The following SAMHD1 variants were observed in gnomAD, a reference collection of about 807,000 sequenced individuals.
The protein encoded by SAMHD1 is SAM and HD domain containing deoxynucleoside triphosphate triphosphohydrolase 1.
A neutral mutation model predicts 79.6 loss-of-function variants in SAMHD1; 54 were observed. The ratio of observed to expected loss-of-function variants is 0.68; its 90% CI spans 0.55 to 0.85. SAMHD1 has a LOEUF of 0.85. Among genes scored for constraint, SAMHD1 ranks in the 40% least tolerant of loss-of-function variants. The pLI is 0.00. For missense variants in SAMHD1, 663 were observed against 782.7 expected (o/e 0.85, Z 1.82); for synonymous variants, 260 against 264.1 (o/e 0.98, Z 0.15).
In SAMHD1 at chr20:36,892,712, T is replaced by TA. The variant is rs1212644980; in HGVS notation, c.*219dup. On this transcript the variant is annotated 3_prime_UTR_variant, in exon 16 of 16. Transcript: ENST00000646673. Reference sequence around the variant, plus strand: ...GACTACTGAAGGAGAAAGGCTTTAATAATATTAAAAATAGGCAAGGTAATG... The same window carrying TA: ...GACTACTGAAGGAGAAAGGCTTTAATAAATATTAAAAATAGGCAAGGTAATG... 1.4e-5 allele frequency: 9 copies of TA among 625,168 alleles called. No homozygotes were observed. Among genetic ancestry groups the TA allele is most frequent in the Non-Finnish European group, 2.6e-5 (9 of 348,848 alleles). 38.7% of individuals were successfully genotyped at this position (625,168 alleles called of 1,614,324 possible). A position where few individuals can be genotyped will look rare whatever the true frequency, so the allele number is the denominator to read the frequency against.
chr20:36,927,434 C>G (rs1332474466), intron 5 of SAMHD1, among the ~76,000 whole-genome samples, 182 bp from the exon 6 acceptor site: 2 of 151,378 alleles, frequency 1.3e-5, no homozygotes, highest in South Asian at 4.2e-4. Flanking sequence ...TCTCCTGCCT[C>G]AGGCTACCGA....
At chr20:36,932,683 C>A (rs1297224547) in intron 4 of SAMHD1, among the ~76,000 whole-genome samples, 3 of 151,822 alleles carry the variant, frequency 2.0e-5, no homozygotes, top group Admixed American at 2.0e-4. Context: ...TCCCAAAGTG[C>A]TGGGATTCCA....
At chr20:36,916,458 C>T in intron 9 of SAMHD1, 1 of 390,332 alleles carries the variant, frequency 2.6e-6, no homozygotes, top group South Asian at 2.4e-5. Flanking sequence ...ACAGTGAGAT[C>T]CTATTTCAAA....
At chr20:36,909,160 C>T (rs1295942310) in intron 11 of SAMHD1, among the ~76,000 whole-genome samples, 1 of 151,954 alleles carries the variant, frequency 6.6e-6, no homozygotes, top group African/African-American at 2.4e-5. Context: ...CGGGGTTTTA[C>T]AATTTTGGAC....
intron 4 of SAMHD1, among the ~76,000 whole-genome samples, chr20:36,932,715 C>A (rs535765219): frequency 6.6e-6 from 1 of 151,616 alleles, no homozygotes; most frequent in Admixed American, 6.6e-5. Context: ...CTGCACCCGG[C>A]AAGTTTGGTT....
chr20:36,920,927 G>C (rs1761632033), intron 6 of SAMHD1, among the ~76,000 whole-genome samples: 1 of 150,836 alleles, frequency 6.6e-6, no homozygotes, highest in East Asian at 1.9e-4. Flanking sequence ...TCTACAAAAA[G>C]ATAAAAAGAT....
At chr20:36,927,364 C>A (rs6065474) in intron 5 of SAMHD1, 112 bp from the exon 6 acceptor site, 23 of 869,506 alleles carry the variant, frequency 2.6e-5, no homozygotes, top group Non-Finnish European at 4.1e-5. Flanking sequence ...GTTGCCCAGG[C>A]TGGAGTGTAG....
At chr20:36,908,348 TCCC>T (rs571802872) in intron 11 of SAMHD1, among the ~76,000 whole-genome samples, 1 of 150,900 alleles carries the variant, frequency 6.6e-6, no homozygotes, top group Non-Finnish European at 1.5e-5. Flanking sequence ...GCTCCAGTGA[TCCC>T]CCCAACCTCA....
Position 36,892,784 on chromosome 20 carries a change from G to A in SAMHD1, c.*148C>T. The A allele has an allele frequency of 3.0e-6, 3 of 995,274 alleles. No individual in the cohort carries two copies. The highest frequency in any genetic ancestry group is 4.8e-6 in the Non-Finnish European group (3 of 623,640). 61.7% of individuals were successfully genotyped at this position (995,274 alleles called of 1,614,324 possible). A position where few individuals can be genotyped will look rare whatever the true frequency, so the allele number is the denominator to read the frequency against. ...TTGCCTAATACCATCTTATTTCTTT[G>A]ATTAAAAGTTACTTAGCTTCAGCAT... On this transcript the variant is annotated 3_prime_UTR_variant, in exon 16 of 16. Transcript: ENST00000646673.
At chr20:36,928,815 G>A (rs1029101087) in intron 5 of SAMHD1, among the ~76,000 whole-genome samples, 1 of 152,106 alleles carries the variant, frequency 6.6e-6, no homozygotes, top group African/African-American at 2.4e-5. Flanking sequence ...TCAGCACTTT[G>A]GGAGGCTGAG....
intron 5 of SAMHD1, 62 bp from the exon 6 acceptor site, chr20:36,927,314 CTTTTTTT>C (rs529639777): frequency 1.1e-4 from 85 of 766,094 alleles, no homozygotes; most frequent in East Asian, 2.4e-4. Flanking sequence ...AAACTTTTTC[CTTTTTTT>C]TTTTTTTTTT....
At chr20:36,923,773 ACT>A (rs975829486) in intron 6 of SAMHD1, among the ~76,000 whole-genome samples, 110 of 152,180 alleles carry the variant, frequency 7.2e-4, no homozygotes, top group Middle Eastern at 3.4e-3. Flanking sequence ...ACATAGTAAG[ACT>A]CTGTTCTCCA....
intron 6 of SAMHD1, among the ~76,000 whole-genome samples, chr20:36,921,746 T>C (rs1373013619): frequency 2.0e-5 from 3 of 150,490 alleles, no homozygotes; most frequent in Non-Finnish European, 4.4e-5. Context: ...TGGAGTGAAA[T>C]GGCGTGATCT....
intron 9 of SAMHD1, 117 bp from the exon 10 acceptor site, chr20:36,912,669 G>A (rs1056523538): frequency 4.7e-5 from 35 of 739,318 alleles, no homozygotes; most frequent in Admixed American, 3.1e-4. Flanking sequence ...GCTATGCACC[G>A]GGGCTTCTTC....
At chr20:36,917,334 T>TG in intron 7 of SAMHD1, 1 of 373,824 alleles carries the variant, frequency 2.7e-6, no homozygotes, top group South Asian at 3.0e-5. Context: ...ACTTTTGTGT[T>TG]TTCTTGGTTT....
intron 15 of SAMHD1, among the ~76,000 whole-genome samples, chr20:36,894,545 T>A (rs1990162200): frequency 6.6e-6 from 1 of 151,410 alleles, no homozygotes; most frequent in African/African-American, 2.4e-5. Flanking sequence ...AGCAGGTGGA[T>A]CACTTGAGGT....
chr20:36,927,220 G>T lies in SAMHD1; in HGVS notation c.658C>A (p.Arg220=). 1.2e-6 allele frequency: 2 copies of T among 1,613,290 alleles called. No individual in the cohort carries two copies. The highest frequency in any genetic ancestry group is 1.7e-6 in the Non-Finnish European group (2 of 1,179,794). The change falls in exon 6 of 16, where the codon CGA becomes AGA. Residue 220 remains arginine, a synonymous_variant. Transcript: ENST00000646673. Reference sequence around the variant, plus strand: ...TCCGGGCGAGCAAGTGGAATAAATCGTCCATCAAACATGTGAGAAAATGGC... The same window carrying T: ...TCCGGGCGAGCAAGTGGAATAAATCTTCCATCAAACATGTGAGAAAATGGC... The part of the protein sequence containing the change: ...HGPFSHMFDG[R]FIPLARPEVK...
chr20:36,943,257 A>G (rs1295952698), intron 2 of SAMHD1, among the ~76,000 whole-genome samples: 3 of 152,232 alleles, frequency 2.0e-5, no homozygotes, highest in Non-Finnish European at 4.4e-5. Context: ...CCTGTAAGGC[A>G]GCACTGTCTA....
Position 36,946,733 on chromosome 20 carries a change from CT to C in SAMHD1, c.275+4del. On this transcript the variant is annotated splice_donor_region_variant and intron_variant, in intron 2 of 15. Transcript: ENST00000646673. Reference sequence around the variant, plus strand: ...TATAACGTGAATTTATTTCTTCATTCTTACCTTACTCCAAGATTTTCAAAAC... The same window carrying C: ...TATAACGTGAATTTATTTCTTCATTCTACCTTACTCCAAGATTTTCAAAAC... The C allele has an allele frequency of 6.2e-7, 1 of 1,607,772 alleles. No individual in the cohort carries two copies. Among genetic ancestry groups the C allele is most frequent in the Non-Finnish European group, 8.5e-7 (1 of 1,175,020 alleles).
Sources: gnomAD v4.1 joint callset for allele counts (sites outside exome capture counted in the v4.1 genomes callset) on GRCh38, gnomAD v4.1.1 for gene constraint, MANE v1.5 for transcripts, NCBI Gene and HGNC (gene_info 2026-07-23, HGNC 2026-07-21) for gene names.